CFAP96: variants seen among roughly 807,000 people sequenced by gnomAD.
CFAP96 encodes the protein cilia-and flagella-associated protein 96.
At chr4:185,445,681 T>C in the CFAP96 span, 2 of 569,502 alleles carry the variant, frequency 3.5e-6, no homozygotes. Context: ...AAAAAGTTCT[T>C]TGGAGTAAAA....
chr4:185,418,047 A>AACACACACACACACACACACACAC, the CFAP96 span, among the ~76,000 whole-genome samples: 4,649 of 142,960 alleles, frequency 0.033, 111 homozygotes, highest in Middle Eastern at 0.05. Flanking sequence ...TCCATCTCAA[A>AACACACACACACACACACACACAC]ACACACACAC....
At chr4:185,413,254 G>A in the CFAP96 span, among the ~76,000 whole-genome samples, 1 of 152,294 alleles carries the variant, frequency 6.6e-6, no homozygotes, top group African/African-American at 2.4e-5. Context: ...CAGGTGTGGT[G>A]GCAGGTGCCT....
chr4:185,425,079 G>A, the CFAP96 span, among the ~76,000 whole-genome samples: 1 of 152,234 alleles, frequency 6.6e-6, no homozygotes, highest in African/African-American at 2.4e-5. Context: ...AGGATGGTAA[G>A]AGTGGCGACA....
the CFAP96 span, chr4:185,415,198 T>C: frequency 8.7e-6 from 14 of 1,607,324 alleles, no homozygotes; most frequent in East Asian, 2.3e-5. Flanking sequence ...TCCTGAAGGA[T>C]ATGAAATTGT....
the CFAP96 span, among the ~76,000 whole-genome samples, chr4:185,448,437 G>T: frequency 1.1e-4 from 16 of 152,240 alleles, no homozygotes; most frequent in African/African-American, 3.9e-4. Context: ...TCTACTCTTT[G>T]TAGCACTTTG....
chr4:185,449,676 A>G, the CFAP96 span: 1 of 1,414,624 alleles, frequency 7.1e-7, no homozygotes, highest in Non-Finnish European at 9.7e-7. Context: ...TCTAGATCTT[A>G]ACTATGAGTA....
the CFAP96 span, among the ~76,000 whole-genome samples, chr4:185,417,762 A>C: frequency 6.6e-6 from 1 of 151,968 alleles, no homozygotes; most frequent in African/African-American, 2.4e-5. Context: ...CAACAGAACC[A>C]GCCGGGCGCG....
the CFAP96 span, among the ~76,000 whole-genome samples, chr4:185,431,617 C>T: frequency 6.6e-6 from 1 of 152,200 alleles, no homozygotes; most frequent in African/African-American, 2.4e-5. Context: ...TCGACCTGCG[C>T]ACACACTCTC....
the CFAP96 span, chr4:185,415,496 C>G: frequency 1.2e-6 from 1 of 832,936 alleles, no homozygotes; most frequent in Admixed American, 3.5e-5. Context: ...ATAAAAGAAA[C>G]TGTGTATTTG....
At chr4:185,416,321 A>C in the CFAP96 span, among the ~76,000 whole-genome samples, 1 of 152,244 alleles carries the variant, frequency 6.6e-6, no homozygotes, top group Non-Finnish European at 1.5e-5. Flanking sequence ...AATGTTTAGA[A>C]AATCAAATTA....
the CFAP96 span, among the ~76,000 whole-genome samples, chr4:185,448,545 G>A: frequency 1.3e-5 from 2 of 152,192 alleles, no homozygotes; most frequent in Middle Eastern, 3.4e-3. Context: ...ACTGAACCAC[G>A]ATTCCCCTAG....
the CFAP96 span, among the ~76,000 whole-genome samples, chr4:185,424,522 T>C: frequency 6.6e-6 from 1 of 152,202 alleles, no homozygotes; most frequent in Admixed American, 6.5e-5. Flanking sequence ...ATTCTACTTC[T>C]GAGAATTTAT....
chr4:185,445,141 C>T, the CFAP96 span: 3 of 1,547,170 alleles, frequency 1.9e-6, no homozygotes, highest in Middle Eastern at 3.3e-4. Context: ...GTGGGAATAT[C>T]TTACACTTAG....
the CFAP96 span, chr4:185,415,730 A>G: frequency 6.2e-7 from 1 of 1,610,352 alleles, no homozygotes; most frequent in Non-Finnish European, 8.5e-7. Flanking sequence ...TTTCTTCTGG[A>G]GCAACAGATA....
the CFAP96 span, chr4:185,415,807 G>A: frequency 6.2e-7 from 1 of 1,613,644 alleles, no homozygotes; most frequent in Non-Finnish European, 8.5e-7. Flanking sequence ...TCAATGATGG[G>A]CGTTACAGCT....
At chr4:185,425,681 G>T in the CFAP96 span, among the ~76,000 whole-genome samples, 1 of 152,052 alleles carries the variant, frequency 6.6e-6, no homozygotes, top group Non-Finnish European at 1.5e-5. Context: ...ACTTGTGTAG[G>T]GCACTTTCCC....
chr4:185,443,045 G>A, the CFAP96 span, among the ~76,000 whole-genome samples: 1 of 151,840 alleles, frequency 6.6e-6, no homozygotes, highest in African/African-American at 2.4e-5. Context: ...TAAAGCAATG[G>A]GGGTAATTTC....
chr4:185,425,723 G>A, the CFAP96 span: 2 of 1,281,214 alleles, frequency 1.6e-6, no homozygotes, highest in Non-Finnish European at 2.2e-6. Context: ...GCGAACTGGA[G>A]AGCCGCCCTG....
At chr4:185,441,696 A>G in the CFAP96 span, among the ~76,000 whole-genome samples, 19 of 151,850 alleles carry the variant, frequency 1.3e-4, no homozygotes, top group Admixed American at 2.6e-4. Flanking sequence ...TAATAATTTT[A>G]ATATTAAAAT....
Sources: allele counts gnomAD v4.1 joint callset (sites outside exome capture counted in the v4.1 genomes callset), GRCh38; gene constraint gnomAD v4.1.1; transcripts MANE v1.5; gene names NCBI Gene and HGNC (gene_info 2026-07-23, HGNC 2026-07-21).